FRMPD4: variants seen among roughly 807,000 people sequenced by gnomAD.
FRMPD4 encodes the protein FERM and PDZ domain containing 4, also known as FERM and PDZ domain-containing protein 4.
A neutral mutation model predicts 94.1 loss-of-function variants in FRMPD4; 22 were observed. The ratio of observed to expected loss-of-function variants is 0.23; its 90% CI spans 0.17 to 0.33. The LOEUF is 0.33. Ranked by LOEUF, FRMPD4 falls within the 10% of genes least tolerant of loss-of-function variation. The probability of loss-of-function intolerance (pLI) is 1.00; values close to 1 mark genes in which losing one functional copy is unlikely to be tolerated. For synonymous variants in FRMPD4, 631 were observed against 548.6 expected, an observed-to-expected ratio of 1.15 and a Z score of -2.10; for missense variants, 1,111 against 1,339.9, an observed-to-expected ratio of 0.83 and a Z score of 2.67.
At chrX:12,044,565 G>T (rs1359795847) in intron 3 of FRMPD4, among the ~76,000 whole-genome samples, 1 of 111,768 alleles carries the variant, frequency 8.9e-6, no homozygotes, top group Non-Finnish European at 1.9e-5. Context: ...TTCAAGGGAG[G>T]CATCTGTGAG....
At chrX:12,375,653 A>G in intron 1 of FRMPD4, among the ~76,000 whole-genome samples, 1 of 112,603 alleles carries the variant, frequency 8.9e-6, no homozygotes, top group East Asian at 2.8e-4. Flanking sequence ...CAGCCGATCA[A>G]TAAACTTCAT....
intron 1 of FRMPD4, among the ~76,000 whole-genome samples, chrX:12,462,066 A>G (rs2057396412): frequency 8.9e-6 from 1 of 111,784 alleles, no homozygotes; most frequent in South Asian, 3.8e-4. Context: ...GAAAGAAGAA[A>G]CACTGAGTCT....
intron 3 of FRMPD4, among the ~76,000 whole-genome samples, chrX:12,111,839 G>C (rs2055365533): frequency 8.9e-6 from 1 of 112,055 alleles, no homozygotes; most frequent in African/African-American, 3.2e-5. Flanking sequence ...CTGGCCATCA[G>C]AGAAATGCAA....
intron 2 of FRMPD4, among the ~76,000 whole-genome samples, chrX:12,528,393 T>A (rs1389088523): frequency 2.0e-5 from 2 of 102,137 alleles, no homozygotes; most frequent in Non-Finnish European, 4.0e-5. Flanking sequence ...CGATCTCGGC[T>A]CACTGCAACC....
chrX:12,162,635 C>T (rs745732434), intron 1 of FRMPD4, among the ~76,000 whole-genome samples: 1 of 111,690 alleles, frequency 9.0e-6, no homozygotes, highest in African/African-American at 3.3e-5. Context: ...GTTTATGTAG[C>T]GGTGAGTCAC....
At chrX:12,489,378 A>T (rs2057769924) in intron 1 of FRMPD4, among the ~76,000 whole-genome samples, 1 of 112,215 alleles carries the variant, frequency 8.9e-6, no homozygotes, top group African/African-American at 3.2e-5. Flanking sequence ...TGAATAGCTA[A>T]ATCGGAAAAT....
At chrX:12,293,028 A>G (rs1236154130) in intron 1 of FRMPD4, among the ~76,000 whole-genome samples, 2 of 108,413 alleles carry the variant, frequency 1.8e-5, no homozygotes, top group Non-Finnish European at 3.8e-5. Context: ...TTTTCTATTC[A>G]TCACCTATCA....
chrX:12,408,797 C>G (rs1464059152), intron 1 of FRMPD4, among the ~76,000 whole-genome samples: 2 of 112,016 alleles, frequency 1.8e-5, no homozygotes, highest in Non-Finnish European at 3.8e-5. Context: ...TCAGCAAGGA[C>G]AAGAACAAGG....
chrX:11,873,030 A>G (rs1188636196), intron 2 of FRMPD4, among the ~76,000 whole-genome samples: 1 of 112,054 alleles, frequency 8.9e-6, no homozygotes, highest in Non-Finnish European at 1.9e-5. Context: ...TTCTACTTCT[A>G]GGTATATGCC....
intron 1 of FRMPD4, among the ~76,000 whole-genome samples, chrX:12,331,942 A>ATATATATTTATATACTATATATAAAT (rs2055412688): frequency 2.3e-5 from 1 of 42,875 alleles, no homozygotes; most frequent in African/African-American, 1.0e-4. Flanking sequence ...TATATAAATT[A>ATATATATTTATATACTATATATAAAT]TATATATTTA....
At chrX:12,596,580 G>T (rs1013450071) in intron 2 of FRMPD4, among the ~76,000 whole-genome samples, 2 of 109,401 alleles carry the variant, frequency 1.8e-5, no homozygotes, top group Non-Finnish European at 3.8e-5. Context: ...TTTCTCTTGA[G>T]GTTGACCTTG....
chrX:12,111,203 T>A (rs781058695), intron 3 of FRMPD4, among the ~76,000 whole-genome samples: 14 of 111,875 alleles, frequency 1.3e-4, no homozygotes, highest in African/African-American at 4.5e-4. Context: ...AACAGCATGG[T>A]ACTGGTGTCA....
chrX:12,184,098 A>G (rs2056394859), intron 1 of FRMPD4, among the ~76,000 whole-genome samples: 1 of 110,863 alleles, frequency 9.0e-6, no homozygotes, highest in Admixed American at 9.7e-5. Context: ...GAAAGAAAAA[A>G]CCATATTTAT....
chrX:11,831,922 C>T (rs2053477073), intron 1 of FRMPD4, among the ~76,000 whole-genome samples: 1 of 112,061 alleles, frequency 8.9e-6, no homozygotes, highest in South Asian at 3.8e-4. Flanking sequence ...TTAAAAGAAC[C>T]TCTTGGGAAA....
chrX:12,663,478 C>T (rs189475476), intron 4 of FRMPD4, among the ~76,000 whole-genome samples: 51 of 111,620 alleles, frequency 4.6e-4, no homozygotes, highest in African/African-American at 1.6e-3. Context: ...TGTTTTTGTC[C>T]GGTTTGTCAG....
chrX:11,990,134 G>A, intron 3 of FRMPD4, among the ~76,000 whole-genome samples: 1 of 112,305 alleles, frequency 8.9e-6, no homozygotes, highest in East Asian at 2.8e-4. Context: ...CTGTAAAAAA[G>A]AATGAATTCC....
At chrX:11,900,209 A>G (rs1181670823) in intron 3 of FRMPD4, among the ~76,000 whole-genome samples, 1 of 108,970 alleles carries the variant, frequency 9.2e-6, no homozygotes, top group Non-Finnish European at 1.9e-5. Context: ...TTTTGTCTGA[A>G]GAAGGGGGAA....
chrX:12,298,601 G>A lies in FRMPD4; in HGVS notation c.41+159589G>A, dbSNP rs1417403368. On this transcript the variant is annotated intron_variant, in intron 1 of 16. Transcript: ENST00000675598. The stretch of plus-strand genomic sequence containing the variant: ...GAGGTCTTATATGTAGATATTCTAG[G>A]CAGTCCTCCAAAAACCATTCTCGTT... Among the ~76,000 whole-genome samples, 18 of 112,085 alleles carry A rather than the reference G, an allele frequency of 1.6e-4. No individual in the cohort carries two copies. In the Admixed American group the frequency reaches 1.7e-3, roughly 11 times the overall value.
chrX:11,976,321 G>A (rs1244378408), intron 3 of FRMPD4, among the ~76,000 whole-genome samples: 1 of 112,070 alleles, frequency 8.9e-6, no homozygotes, highest in Non-Finnish European at 1.9e-5. Flanking sequence ...AAAAAATTGG[G>A]CTTACTGGCC....
Sources: allele counts gnomAD v4.1 joint callset (sites outside exome capture counted in the v4.1 genomes callset), GRCh38; gene constraint gnomAD v4.1.1; transcripts MANE v1.5; gene names NCBI Gene and HGNC (gene_info 2026-07-23, HGNC 2026-07-21).